CLASP1: variants seen among roughly 807,000 people sequenced by gnomAD.
CLASP1 encodes the protein CLIP-associating protein 1.
In CLASP1, 38 loss-of-function variants were observed where a neutral mutation model predicts 192.3. The observed-to-expected ratio is 0.20, with a 90% CI of 0.15 to 0.26. The LOEUF is 0.26. Ranked by LOEUF, CLASP1 falls within the 10% of genes least tolerant of loss-of-function variation. CLASP1 has a pLI of 1.00. For missense variants in CLASP1, 1,433 were observed against 1,932.5 expected (o/e 0.74, Z 4.85); for synonymous variants, 691 against 712.8 (o/e 0.97, Z 0.49).
chr2:121,405,269 A>G (rs758137218), intron 25 of CLASP1, among the ~76,000 whole-genome samples: 35 of 152,300 alleles, frequency 2.3e-4, no homozygotes, highest in Non-Finnish European at 4.6e-4. Flanking sequence ...AGATCACACT[A>G]TTGCACTTCA....
intron 1 of CLASP1, among the ~76,000 whole-genome samples, chr2:121,643,097 G>T (rs1452520169): frequency 6.6e-6 from 1 of 152,178 alleles, no homozygotes; most frequent in African/African-American, 2.4e-5. Flanking sequence ...ATGAAGACAG[G>T]CTCACCTAAA....
chr2:121,554,615 TA>T (rs943021061), intron 2 of CLASP1, among the ~76,000 whole-genome samples: 5 of 150,906 alleles, frequency 3.3e-5, no homozygotes, highest in Admixed American at 6.6e-5. Flanking sequence ...GACCTTGTCT[TA>T]AAAAAAAAGG....
At chr2:121,487,277 T>C (rs2093034437) in intron 8 of CLASP1, among the ~76,000 whole-genome samples, 1 of 152,174 alleles carries the variant, frequency 6.6e-6, no homozygotes, top group Non-Finnish European at 1.5e-5. Flanking sequence ...GGTAGATCTG[T>C]ATTACCAAAT....
chr2:121,539,129 C>T (rs979871415), intron 2 of CLASP1, among the ~76,000 whole-genome samples: 1 of 152,160 alleles, frequency 6.6e-6, no homozygotes, highest in Admixed American at 6.5e-5. Flanking sequence ...ACTAAAAACC[C>T]TAATAAACAC....
chr2:121,380,523 G>A (rs201538671), intron 33 of CLASP1, among the ~76,000 whole-genome samples: 1 of 102,206 alleles, frequency 9.8e-6, no homozygotes, highest in Non-Finnish European at 1.7e-5. Context: ...AGCAGCCCTG[G>A]GCTTGCCCGC....
chr2:121,599,277 T>C (rs1332859117), intron 2 of CLASP1, among the ~76,000 whole-genome samples: 9 of 149,454 alleles, frequency 6.0e-5, no homozygotes, highest in Non-Finnish European at 1.3e-4. Context: ...TTCTCCATTC[T>C]CTTTTCAGCC....
At position 121,487,816 on chromosome 2, in the gene CLASP1, G is replaced by A. The variant is rs147266569; in HGVS notation, c.712+15351C>T. On this transcript the variant is annotated intron_variant, in intron 8 of 39. Coordinates refer to ENST00000263710, the Ensembl canonical transcript of CLASP1. ...TGGAATAATTCTGCACAAGAGGTTC[G>A]TCTCTTCATCTCCATTTACACACTT... 7.3e-4 allele frequency among the ~76,000 whole-genome samples: 111 copies of A among 152,262 alleles called. 1 individual carries two copies. The highest frequency in any genetic ancestry group is 2.5e-3 in the African/African-American group (102 of 41,540).
chr2:121,643,088 T>C (rs181899054), intron 1 of CLASP1, among the ~76,000 whole-genome samples: 1 of 152,088 alleles, frequency 6.6e-6, no homozygotes, highest in Non-Finnish European at 1.5e-5. Context: ...CTATCCTGAA[T>C]GAAGACAGGC....
At chr2:121,518,962 T>C (rs2094394593) in intron 6 of CLASP1, among the ~76,000 whole-genome samples, 2 of 152,242 alleles carry the variant, frequency 1.3e-5, no homozygotes, top group African/African-American at 2.4e-5. Context: ...TGTATCACCA[T>C]TGCTTAGTTT....
chr2:121,623,305 T>A (rs1223691462), intron 1 of CLASP1, among the ~76,000 whole-genome samples: 1 of 152,236 alleles, frequency 6.6e-6, no homozygotes, highest in Non-Finnish European at 1.5e-5. Context: ...CATGTTGGTC[T>A]TGTCTTTTAT....
chr2:121,533,756 TCC>T (rs2104869841), intron 2 of CLASP1, among the ~76,000 whole-genome samples: 1 of 152,304 alleles, frequency 6.6e-6, no homozygotes, highest in Admixed American at 6.5e-5. Context: ...TGTGCTTGTT[TCC>T]CCAGCTACAC....
intron 22 of CLASP1, among the ~76,000 whole-genome samples, chr2:121,423,712 C>T (rs570446405): frequency 6.6e-6 from 1 of 152,138 alleles, no homozygotes; most frequent in Non-Finnish European, 1.5e-5. Context: ...ATGATTGTAT[C>T]CACATCAACA....
chr2:121,487,698 T>C (rs539443612), intron 8 of CLASP1, among the ~76,000 whole-genome samples: 4 of 152,312 alleles, frequency 2.6e-5, no homozygotes, highest in Admixed American at 6.5e-5. Context: ...TAAAATGCCA[T>C]TCTCATCACA....
chr2:121,347,995 G>A (rs2063682704), intron 38 of CLASP1, among the ~76,000 whole-genome samples: 1 of 133,326 alleles, frequency 7.5e-6, no homozygotes, highest in Non-Finnish European at 1.5e-5. Flanking sequence ...TGTAGCCCAT[G>A]GTGACACCTG....
chr2:121,478,951 C>T (rs1575284790), intron 8 of CLASP1, among the ~76,000 whole-genome samples: 2 of 34,388 alleles, frequency 5.8e-5, no homozygotes, highest in Non-Finnish European at 1.2e-4. Context: ...ACACACACAC[C>T]ACACACACAC....
At chr2:121,430,303 T>C in intron 19 of CLASP1, 126 bp from the exon 20 acceptor site, 1 of 662,514 alleles carries the variant, frequency 1.5e-6, no homozygotes, top group South Asian at 1.9e-5. Flanking sequence ...ACAGCTTCTG[T>C]GAGCAGATCC....
chr2:121,513,783 T>C (rs1469547585), intron 7 of CLASP1, among the ~76,000 whole-genome samples: 3 of 152,164 alleles, frequency 2.0e-5, no homozygotes, highest in Non-Finnish European at 4.4e-5. Flanking sequence ...CAGCAGTGAG[T>C]TGTAACAACA....
intron 2 of CLASP1, among the ~76,000 whole-genome samples, chr2:121,590,355 C>G (rs930128655): frequency 1.3e-5 from 2 of 152,100 alleles, no homozygotes; most frequent in Non-Finnish European, 2.9e-5. Context: ...GATGAGAAAC[C>G]ACTTGGATGA....
chr2:121,387,824 A>C, exon 31 of CLASP1: 1 of 1,613,814 alleles, frequency 6.2e-7, no homozygotes, highest in African/African-American at 1.3e-5. Flanking sequence ...ACCATCCTGG[A>C]ATGTTTTTGG....
Sources: allele counts gnomAD v4.1 joint callset (sites outside exome capture counted in the v4.1 genomes callset), GRCh38; gene constraint gnomAD v4.1.1; transcripts MANE v1.5; gene names NCBI Gene and HGNC (gene_info 2026-07-23, HGNC 2026-07-21).